Variants in CAPN7 observed in about 807,000 individuals in gnomAD.
CAPN7 encodes calpain-7.
CAPN7 carries 72 observed loss-of-function variants against 115.2 expected under a neutral mutation model. The ratio of observed to expected loss-of-function variants is 0.63; its 90% CI spans 0.52 to 0.76. The LOEUF is 0.76. Ranked by LOEUF, CAPN7 falls within the 30% of genes least tolerant of loss-of-function variation. The pLI is 0.00. For synonymous variants in CAPN7, 344 were observed against 322.3 expected, an observed-to-expected ratio of 1.07 and a Z score of -0.72; for missense variants, 905 against 971.5, an observed-to-expected ratio of 0.93 and a Z score of 0.91.
rs745764414 is a variant in CAPN7 at position 15,242,227 on chromosome 3, C to G, written c.1838C>G (p.Thr613Ser). 1 of 1,599,412 alleles carries G rather than the reference C, an allele frequency of 6.3e-7. No homozygotes were observed. The highest frequency in any genetic ancestry group is 1.1e-5 in the South Asian group (1 of 87,280). Residue 613 changes from threonine (T) to serine (S), a missense_variant, in exon 16 of 21, where the codon ACT (threonine) becomes AGT (serine). By Grantham distance (58) the Thr-to-Ser change is moderately conservative. Coordinates refer to ENST00000253693, the MANE Select transcript of CAPN7 (RefSeq NM_014296.3). ...REFITMVVYK[T>S]DGKKVYYPAD... Reference sequence around the variant, plus strand: ...TTTATCACAATGGTTGTATACAAGACTGATGGGAAAAAAGTTTATTACCCA... The same window carrying G: ...TTTATCACAATGGTTGTATACAAGAGTGATGGGAAAAAAGTTTATTACCCA...
At chr3:15,250,872 T>G in intron 19 of CAPN7, 59 bp from the exon 20 acceptor site, 1 of 1,253,534 alleles carries the variant, frequency 8.0e-7, no homozygotes, top group Admixed American at 2.0e-5. Context: ...ATAAAGTTAT[T>G]TTAAATCACG....
intron 4 of CAPN7, among the ~76,000 whole-genome samples, chr3:15,220,385 A>G (rs1414496550): frequency 6.6e-6 from 1 of 152,186 alleles, no homozygotes; most frequent in African/African-American, 2.4e-5. Flanking sequence ...TTGGCAATTC[A>G]TTAAGTGAAT....
At chr3:15,228,313 A>G (rs1694449955) in intron 7 of CAPN7, among the ~76,000 whole-genome samples, 1 of 152,232 alleles carries the variant, frequency 6.6e-6, no homozygotes, top group South Asian at 2.1e-4. Flanking sequence ...TTTGAAATAC[A>G]TTATTTAATT....
intron 16 of CAPN7, among the ~76,000 whole-genome samples, chr3:15,244,132 T>C (rs1695519590): frequency 6.6e-6 from 1 of 152,158 alleles, no homozygotes; most frequent in Non-Finnish European, 1.5e-5. Context: ...TGGGCAGTGA[T>C]GGGAAGATGT....
chr3:15,232,519 G>A lies in CAPN7; in HGVS notation c.1033G>A (p.Val345Met). The A allele has an allele frequency of 6.3e-7, 1 of 1,599,846 alleles. No individual in the cohort carries two copies. Among genetic ancestry groups the A allele is most frequent in the Non-Finnish European group, 8.5e-7 (1 of 1,175,298 alleles). Residue 345 changes from valine to methionine, a missense_variant and splice_region_variant, in exon 10 of 21, where the codon GTG becomes ATG. Around this residue, in one of 3 missense-constraint regions of CAPN7, gnomAD observed 620 missense variants for 703.4 expected, o/e 0.88. Transcript: ENST00000253693. ...KLHLNGVPRK[V>M]IIDDQLPVDH... Reference sequence around the variant, plus strand: ...GAAGGTTAATGTTCTCTTTCTCCAGGTGATAATTGATGACCAGTTACCTGT... The same window carrying A: ...GAAGGTTAATGTTCTCTTTCTCCAGATGATAATTGATGACCAGTTACCTGT...
intron 6 of CAPN7, among the ~76,000 whole-genome samples, chr3:15,226,517 A>C (rs148750029): frequency 2.0e-5 from 3 of 152,178 alleles, no homozygotes; most frequent in Non-Finnish European, 4.4e-5. Context: ...ATAGATTACG[A>C]ATTTGAATTT....
At chr3:15,219,181 AC>A (rs1693818437) in intron 4 of CAPN7, among the ~76,000 whole-genome samples, 1 of 152,230 alleles carries the variant, frequency 6.6e-6, no homozygotes, top group African/African-American at 2.4e-5. Flanking sequence ...TAGTGCTGTA[AC>A]CAAGTACCCA....
At chr3:15,239,236 T>C (rs116191312) in intron 12 of CAPN7, among the ~76,000 whole-genome samples, 1,735 of 152,302 alleles carry the variant, frequency 0.011, 35 homozygotes, top group African/African-American at 0.037. Flanking sequence ...CCACAATTTG[T>C]CACCATTTAA....
chr3:15,236,163 T>C (rs1262102133), intron 12 of CAPN7, among the ~76,000 whole-genome samples: 1 of 152,064 alleles, frequency 6.6e-6, no homozygotes, highest in Non-Finnish European at 1.5e-5. Context: ...AGAGACCCTG[T>C]CTGAAAAAAT....
In CAPN7 at chr3:15,221,115, A is replaced by T. The variant is rs917976358; in HGVS notation, c.638+134A>T. ...TGTGCTGTTATTATGTAATTATATCATCATGTAGTCACAACTTGAAATAGT... is the reference window on the plus strand; with the variant it reads ...TGTGCTGTTATTATGTAATTATATCTTCATGTAGTCACAACTTGAAATAGT... On this transcript the variant is annotated intron_variant, in intron 5 of 20. Coordinates refer to ENST00000253693, the MANE Select transcript of CAPN7 (RefSeq NM_014296.3). The T allele has an allele frequency of 6.5e-6, 4 of 612,650 alleles. No homozygotes were observed. In the South Asian group the frequency reaches 7.5e-5, roughly 11 times the overall value. 38.0% of individuals were successfully genotyped at this position (612,650 alleles called of 1,614,324 possible).
chr3:15,214,532 A>T (rs1171445488), intron 2 of CAPN7, among the ~76,000 whole-genome samples: 2 of 152,026 alleles, frequency 1.3e-5, no homozygotes, highest in Non-Finnish European at 2.9e-5. Flanking sequence ...AGATCAGCCT[A>T]GGCAACATAG....
intron 17 of CAPN7, 46 bp downstream of exon 17, chr3:15,245,717 A>G (rs749009893): frequency 1.3e-6 from 2 of 1,551,318 alleles, no homozygotes; most frequent in Admixed American, 1.8e-5. Context: ...AATATAAAGT[A>G]TGTAATATGC....
intron 17 of CAPN7, 119 bp from the exon 18 acceptor site, chr3:15,246,613 G>C (rs1695674734): frequency 1.4e-6 from 1 of 706,232 alleles, no homozygotes; most frequent in Admixed American, 2.5e-5. Flanking sequence ...CTGATACTAG[G>C]CTGCCTATAA....
chr3:15,241,011 G>A (rs1415507811), intron 14 of CAPN7, among the ~76,000 whole-genome samples, 158 bp downstream of exon 14: 1 of 152,120 alleles, frequency 6.6e-6, no homozygotes, highest in East Asian at 1.9e-4. Flanking sequence ...TCTAGACCAG[G>A]TTGGGCAACA....
intron 8 of CAPN7, among the ~76,000 whole-genome samples, chr3:15,229,572 T>TC (rs1279069711): frequency 2.2e-5 from 3 of 136,250 alleles, no homozygotes; most frequent in Non-Finnish European, 3.1e-5. Context: ...TTTTTTTTTT[T>TC]TTTTTTTTTT....
chr3:15,247,787 G>A (rs576375208), intron 19 of CAPN7, among the ~76,000 whole-genome samples: 2 of 151,766 alleles, frequency 1.3e-5, no homozygotes, highest in East Asian at 1.9e-4. Flanking sequence ...AAGACAAAGA[G>A]CATATTAAAA....
In CAPN7 at chr3:15,247,329, T is replaced by G; in HGVS notation, c.2076T>G (p.Ile692Met). Reference protein sequence around the residue: ...IPSPYTLSKRINGKWSGQSAG... With the variant: ...IPSPYTLSKRMNGKWSGQSAG... The stretch of plus-strand genomic sequence containing the variant: ...ACTAAAACTTTTGTTTTTATTAGAT[T>G]AATGGAAAGTGGAGTGGTCAGAGTG... Residue 692 changes from isoleucine to methionine, a missense_variant and splice_region_variant, in exon 19 of 21, where the codon ATT (isoleucine) becomes ATG (methionine). By Grantham distance (10) the Ile-to-Met change is conservative. Around this residue, in one of 3 missense-constraint regions of CAPN7, gnomAD observed 620 missense variants for 703.4 expected, o/e 0.88. Transcript: ENST00000253693. 3 of 1,551,452 alleles carry G rather than the reference T, an allele frequency of 1.9e-6. No individual in the cohort carries two copies. The highest frequency in any genetic ancestry group is 2.6e-6 in the Non-Finnish European group (3 of 1,155,662).
At chr3:15,226,405 G>A (rs1375672503) in intron 6 of CAPN7, among the ~76,000 whole-genome samples, 1 of 152,068 alleles carries the variant, frequency 6.6e-6, no homozygotes, top group Non-Finnish European at 1.5e-5. Context: ...TAAGTTCTGA[G>A]GGAAAAAACC....
At chr3:15,234,307 A>T (rs890983840) in intron 11 of CAPN7, among the ~76,000 whole-genome samples, 1 of 152,158 alleles carries the variant, frequency 6.6e-6, no homozygotes, top group Non-Finnish European at 1.5e-5. Flanking sequence ...CAAGAGCAAA[A>T]CTCCATCTCA....
Sources: allele counts gnomAD v4.1 joint callset (sites outside exome capture counted in the v4.1 genomes callset), GRCh38; gene constraint gnomAD v4.1.1; regional missense constraint gnomAD v4.1.1; transcripts MANE v1.5; gene names NCBI Gene and HGNC (gene_info 2026-07-23, HGNC 2026-07-21).